Variants in MROH1 observed in about 807,000 individuals in gnomAD.
The protein encoded by MROH1 is maestro heat-like repeat-containing protein family member 1.
Under a neutral mutation model 116.5 loss-of-function variants are expected in MROH1, and 117 were observed. That is an observed-to-expected ratio of 1.00 (90% confidence interval 0.86 to 1.17). MROH1 has a LOEUF of 1.17. MROH1 is among the 50% of genes most tolerant of loss of function. MROH1 has a pLI of 0.00. For missense variants in MROH1, 1,873 were observed against 1,338.5 expected (o/e 1.40, Z -6.23); for synonymous variants, 921 against 583.9 (o/e 1.58, Z -8.32).
At chr8:144,187,623 G>A (rs1405974331) in intron 7 of MROH1, among the ~76,000 whole-genome samples, 1 of 152,224 alleles carries the variant, frequency 6.6e-6, no homozygotes, top group Non-Finnish European at 1.5e-5. Flanking sequence ...ACTCAGAGGT[G>A]CCAGCTCCTC....
rs1006239014 is a variant in MROH1 at position 144,154,656 on chromosome 8, A to G, written c.-176-6314A>G. Among the ~76,000 whole-genome samples, 3 of 151,120 alleles carry G rather than the reference A, an allele frequency of 2.0e-5. No individual in the cohort carries two copies. The South Asian group carries it at 6.3e-4, about 32-fold the overall frequency. On this transcript the variant is annotated intron_variant, in intron 1 of 43. Coordinates refer to ENST00000326134, the MANE Select transcript of MROH1 (RefSeq NM_032450.3). ...CTTAATTCTGTGTAGCTGTGATTCA[A>G]TACTGCATCTTTTTTTTTTTTTTTT... is the stretch of plus-strand genomic sequence containing the variant.
chr8:144,241,168 A>C (rs1588436235), intron 21 of MROH1, 57 bp downstream of exon 21: 1 of 717,164 alleles, frequency 1.4e-6, no homozygotes, highest in South Asian at 1.5e-5. Flanking sequence ...GGACGGTGGC[A>C]CCTGCTGTTC....
At chr8:144,240,802 G>A in intron 20 of MROH1, 125 bp downstream of exon 20, 1 of 681,930 alleles carries the variant, frequency 1.5e-6, no homozygotes, top group South Asian at 1.6e-5. Context: ...CCTCCTTGTG[G>A]TGGCTGAGGG....
At chr8:144,213,141 C>T (rs1311338630) in intron 12 of MROH1, 13 of 759,740 alleles carry the variant, frequency 1.7e-5, no homozygotes, top group Non-Finnish European at 3.0e-5. Flanking sequence ...GCTGTTACAT[C>T]CCGTGCTCTC....
At chr8:144,242,161 C>T (rs1010365898) in intron 22 of MROH1, 12 of 646,106 alleles carry the variant, frequency 1.9e-5, no homozygotes, top group Non-Finnish European at 3.1e-5. Flanking sequence ...CCATGCCTGG[C>T]TGGCTGCCTG....
intron 1 of MROH1, among the ~76,000 whole-genome samples, chr8:144,151,967 C>T (rs1816911522): frequency 6.6e-6 from 1 of 152,182 alleles, no homozygotes; most frequent in Non-Finnish European, 1.5e-5. Context: ...CATATGTCTG[C>T]CGGCGATCTC....
intron 4 of MROH1, among the ~76,000 whole-genome samples, chr8:144,176,136 G>A (rs1823847866): frequency 6.6e-6 from 1 of 152,158 alleles, no homozygotes; most frequent in African/African-American, 2.4e-5. Context: ...GCAGAGGCGG[G>A]TGGATAACTT....
intron 14 of MROH1, among the ~76,000 whole-genome samples, 177 bp downstream of exon 14, chr8:144,223,407 C>G (rs1410067005): frequency 6.6e-6 from 1 of 152,054 alleles, no homozygotes; most frequent in African/African-American, 2.4e-5. Context: ...TTCTGTGGCC[C>G]AGGCTGGAGT....
chr8:144,223,369 CTT>C, intron 14 of MROH1, 139 bp downstream of exon 14: 1 of 1,153,086 alleles, frequency 8.7e-7, no homozygotes. Flanking sequence ...CCTCTGCTGT[CTT>C]TTGTTTAATA....
intron 13 of MROH1, 76 bp downstream of exon 13, chr8:144,220,749 A>C (rs939718747): frequency 1.3e-5 from 18 of 1,347,746 alleles, no homozygotes; most frequent in Non-Finnish European, 1.9e-5. Context: ...CTGTGCTGTG[A>C]GATCACCCAC....
chr8:144,197,900 C>T (rs1830295195), intron 10 of MROH1, among the ~76,000 whole-genome samples: 1 of 150,184 alleles, frequency 6.7e-6, no homozygotes, highest in Non-Finnish European at 1.5e-5. Flanking sequence ...ATGGAGAAAC[C>T]CTGTCTCTAT....
chr8:144,172,179 C>T (rs1035005453), intron 4 of MROH1, among the ~76,000 whole-genome samples: 1 of 152,150 alleles, frequency 6.6e-6, no homozygotes, highest in African/African-American at 2.4e-5. Context: ...AAAATTGCAT[C>T]TGTGGAGAAT....
intron 12 of MROH1, among the ~76,000 whole-genome samples, chr8:144,210,107 AGTAATCACTCCCTTATGATT>A (rs775914816): frequency 1.6e-4 from 24 of 151,596 alleles, no homozygotes; most frequent in Admixed American, 2.6e-4. Flanking sequence ...TGATTTTTAT[AGTAATCACTCCCTTATGATT>A]AGCTGTGTCC....
Position 144,204,698 on chromosome 8 carries a change from C to G in MROH1, c.1141+4157C>G, listed in dbSNP as rs575726718. Among the ~76,000 whole-genome samples the G allele has an allele frequency of 3.9e-5, 6 of 152,276 alleles. No individual in the cohort carries two copies. In the South Asian group the frequency reaches 1.2e-3, roughly 32 times the overall value. On this transcript the variant is annotated intron_variant, in intron 12 of 43. Coordinates refer to ENST00000326134, the MANE Select transcript of MROH1 (RefSeq NM_032450.3). ...TCTGGCTTCTTTTCCTCAGTATTCT[C>G]TTGGTGAAATTTATACATATAGTAC...
At chr8:144,179,328 C>A in intron 4 of MROH1, 127 bp from the exon 5 acceptor site, 1 of 1,368,998 alleles carries the variant, frequency 7.3e-7, no homozygotes. Flanking sequence ...ATCAGGTGTA[C>A]CCCTCCCCTC....
At chr8:144,151,247 CAAA>C (rs1160118892) in intron 1 of MROH1, among the ~76,000 whole-genome samples, 30 of 22,958 alleles carry the variant, frequency 1.3e-3, no homozygotes, top group African/African-American at 3.7e-3. Context: ...TATTCTGTCT[CAAA>C]AAAAAAAAAA....
Position 144,240,150 on chromosome 8 carries a change from G to T in MROH1, c.1824G>T (p.Leu608Phe). 1.3e-6 allele frequency: 1 copy of T among 777,778 alleles called. No individual in the cohort carries two copies. Among genetic ancestry groups the T allele is most frequent in the Admixed American group, 1.7e-5 (1 of 58,606 alleles). 48.2% of individuals were successfully genotyped at this position (777,778 alleles called of 1,614,324 possible). A position where few individuals can be genotyped will look rare whatever the true frequency, so the allele number is the denominator to read the frequency against. The change falls in exon 19 of 44, where the codon TTG becomes TTT. Residue 608 changes from leucine to phenylalanine, a missense_variant. Coordinates refer to ENST00000326134, the MANE Select transcript of MROH1 (RefSeq NM_032450.3). ...AGGAGGAGTGGGAGGAGAAGCTGTTGATGGTGAGGGCCGGGGTACGGCCCA... is the reference window on the plus strand; with the variant it reads ...AGGAGGAGTGGGAGGAGAAGCTGTTTATGGTGAGGGCCGGGGTACGGCCCA... The part of the protein sequence containing the change: ...LPQEEWEEKL[L>F]MFLRDTLAII...
At chr8:144,238,985 C>A in intron 15 of MROH1, 50 bp from the exon 16 acceptor site, 2 of 773,668 alleles carry the variant, frequency 2.6e-6, no homozygotes, top group Non-Finnish European at 4.8e-6. Context: ...GCCCTGTCTG[C>A]ATGGGACCGC....
At chr8:144,202,939 C>G (rs1170902704) in intron 12 of MROH1, among the ~76,000 whole-genome samples, 6 of 72,372 alleles carry the variant, frequency 8.3e-5, no homozygotes, top group South Asian at 5.5e-4. Context: ...AGCGCCCGCT[C>G]TCTGTAGAGG....
Sources: gnomAD v4.1 joint callset for allele counts (sites outside exome capture counted in the v4.1 genomes callset) on GRCh38, gnomAD v4.1.1 for gene constraint, MANE v1.5 for transcripts, NCBI Gene and HGNC (gene_info 2026-07-23, HGNC 2026-07-21) for gene names.